C13orf42: variants seen among roughly 807,000 people sequenced by gnomAD.
C13orf42 encodes the protein chromosome 13 open reading frame 42, also known as uncharacterized protein C13orf42.
chr13:51,156,310 C>T (rs745769696), intron 1 of C13orf42, among the ~76,000 whole-genome samples: 3 of 152,180 alleles, frequency 2.0e-5, no homozygotes, highest in East Asian at 1.9e-4. Context: ...ACAGAGTAAT[C>T]GGTAACACAT....
intron 1 of C13orf42, among the ~76,000 whole-genome samples, chr13:51,133,287 G>C (rs1433034816): frequency 6.6e-6 from 1 of 152,184 alleles, no homozygotes; most frequent in East Asian, 1.9e-4. Flanking sequence ...ATAGAGAAGG[G>C]AAATAGAATG....
At chr13:51,092,477 T>G (rs1953190203) in intron 1 of C13orf42, among the ~76,000 whole-genome samples, 1 of 152,144 alleles carries the variant, frequency 6.6e-6, no homozygotes, top group Admixed American at 6.5e-5. Flanking sequence ...GAAAAAAACT[T>G]GAGTGTAAAA....
chr13:51,105,405 G>T (rs1262696215), intron 1 of C13orf42, among the ~76,000 whole-genome samples: 1 of 152,184 alleles, frequency 6.6e-6, no homozygotes, highest in African/African-American at 2.4e-5. Context: ...GTGCTCAATC[G>T]ATATGTGTTA....
chr13:51,166,228 G>A (rs2138052887), intron 1 of C13orf42, among the ~76,000 whole-genome samples: 1 of 152,250 alleles, frequency 6.6e-6, no homozygotes, highest in Non-Finnish European at 1.5e-5. Context: ...AAGCCAGGAA[G>A]TGGCACATAT....
At chr13:51,136,215 A>G (rs930271826) in intron 1 of C13orf42, among the ~76,000 whole-genome samples, 1 of 152,032 alleles carries the variant, frequency 6.6e-6, no homozygotes, top group Non-Finnish European at 1.5e-5. Flanking sequence ...CACTTCACTT[A>G]GATTATCTCT....
chr13:51,090,168 T>C (rs576454556), intron 1 of C13orf42, among the ~76,000 whole-genome samples: 5 of 152,196 alleles, frequency 3.3e-5, no homozygotes, highest in African/African-American at 1.2e-4. Context: ...GGTCCACACT[T>C]GTTTATTCTC....
chr13:51,132,206 G>A (rs1026870005), intron 1 of C13orf42, among the ~76,000 whole-genome samples: 2 of 152,196 alleles, frequency 1.3e-5, no homozygotes, highest in Admixed American at 6.5e-5. Context: ...ACTTTGGGAG[G>A]CCGAGGCGGG....
chr13:51,169,336 G>T (rs1292010615), intron 1 of C13orf42, among the ~76,000 whole-genome samples: 2 of 152,230 alleles, frequency 1.3e-5, no homozygotes, highest in African/African-American at 2.4e-5. Flanking sequence ...AGTCACTTTT[G>T]TTATGCAGGA....
intron 1 of C13orf42, among the ~76,000 whole-genome samples, chr13:51,128,498 A>G (rs1056469665): frequency 2.6e-4 from 39 of 152,304 alleles, no homozygotes; most frequent in Middle Eastern, 3.4e-3. Flanking sequence ...GGCCCAACTT[A>G]GGGGAGTTAA....
In C13orf42 at chr13:51,172,153, A is replaced by G. The variant is rs571762461; in HGVS notation, n.136+100T>C. The G allele has an allele frequency of 3.9e-5, 6 of 152,280 alleles. No individual in the cohort carries two copies. The East Asian group carries it at 5.8e-4, about 15-fold the overall frequency. 9.4% of individuals were successfully genotyped at this position (152,280 alleles called of 1,614,324 possible). ...CAGGAGCTTGCTACACGTGCCAGAA[A>G]TCTGGCCACTGGGCCAAGGAATGCC... is the stretch of plus-strand genomic sequence containing the variant. On this transcript the variant is annotated intron_variant and non_coding_transcript_variant, in intron 1 of 4. Transcript: ENST00000433280.
intron 1 of C13orf42, among the ~76,000 whole-genome samples, chr13:51,147,973 C>G (rs925763574): frequency 6.6e-6 from 1 of 152,116 alleles, no homozygotes; most frequent in Non-Finnish European, 1.5e-5. Context: ...CTATGTCTGA[C>G]GTTTGCCACT....
chr13:51,172,114 A>G (rs1033896291), intron 1 of C13orf42: 12 of 152,162 alleles, frequency 7.9e-5, no homozygotes, highest in African/African-American at 2.9e-4. Flanking sequence ...GCGTTCCTCC[A>G]GAACCTCCTC....
chr13:51,123,752 A>T (rs1285350755), intron 1 of C13orf42, among the ~76,000 whole-genome samples: 1 of 152,216 alleles, frequency 6.6e-6, no homozygotes, highest in African/African-American at 2.4e-5. Flanking sequence ...CACATAATGG[A>T]AACCACCTTT....
At chr13:51,129,990 TG>T (rs1953604384) in intron 1 of C13orf42, among the ~76,000 whole-genome samples, 1 of 152,256 alleles carries the variant, frequency 6.6e-6, no homozygotes, top group African/African-American at 2.4e-5. Context: ...GTTCAATTCC[TG>T]GCTTATGGAA....
At chr13:51,153,670 C>T (rs1430991593) in intron 1 of C13orf42, among the ~76,000 whole-genome samples, 9 of 106,332 alleles carry the variant, frequency 8.5e-5, no homozygotes, top group African/African-American at 2.9e-4. Context: ...GACAGGATCT[C>T]GCTTTGTCGC....
Position 51,087,928 on chromosome 13 carries a change from C to T in C13orf42, c.562G>A (p.Val188Met), listed in dbSNP as rs536620116. 6.7e-4 allele frequency: 269 copies of T among 399,164 alleles called. No individual in the cohort carries two copies. The highest frequency in any genetic ancestry group is 9.1e-4 in the Non-Finnish European group (205 of 226,326). The allele number at this position is 399,164 out of a possible 1,614,324, so 24.7% of individuals were successfully genotyped here. The change falls in exon 2 of 4, where the codon GTG (valine) becomes ATG (methionine). Residue 188 changes from valine (V) to methionine (M), a missense_variant and splice_region_variant. Val to Met is a conservative substitution (Grantham distance 21, BLOSUM62 1). Transcript: ENST00000563710. ...TTCCCACTGCCTTCCTGGCACTCAC[C>T]GTCAAAGTCCACATCTTCATTTGGC... ...SLPNEDVDFDVATSSREHSLH... is the reference protein window; with the variant it reads ...SLPNEDVDFDMATSSREHSLH...
At chr13:51,144,602 G>A (rs1227418141) in intron 1 of C13orf42, among the ~76,000 whole-genome samples, 1 of 144,290 alleles carries the variant, frequency 6.9e-6, no homozygotes, top group African/African-American at 2.6e-5. Context: ...AATCAAACTT[G>A]ATTTATGGAG....
intron 1 of C13orf42, among the ~76,000 whole-genome samples, chr13:51,130,134 CT>C (rs1312669111): frequency 6.6e-6 from 1 of 152,128 alleles, no homozygotes; most frequent in Admixed American, 6.5e-5. Flanking sequence ...AGTGTAATGC[CT>C]TTTAGTTCAC....
chr13:51,095,831 C>T (rs1003317159), intron 1 of C13orf42, among the ~76,000 whole-genome samples: 2 of 151,994 alleles, frequency 1.3e-5, no homozygotes, highest in African/African-American at 4.8e-5. Context: ...CTGATAGTTC[C>T]AATGTTCGTG....
Sources: gnomAD v4.1 joint callset for allele counts (sites outside exome capture counted in the v4.1 genomes callset) on GRCh38, gnomAD v4.1.1 for gene constraint, MANE v1.5 for transcripts, NCBI Gene and HGNC (gene_info 2026-07-23, HGNC 2026-07-21) for gene names.